The following HHAT variants were observed in gnomAD, a reference collection of about 807,000 sequenced individuals.
The protein encoded by HHAT is protein-cysteine N-palmitoyltransferase HHAT.
HHAT carries 47 observed loss-of-function variants against 70.8 expected under a neutral mutation model. The ratio of observed to expected loss-of-function variants is 0.66; its 90% confidence interval spans 0.53 to 0.85. HHAT has a LOEUF of 0.85. HHAT is among the 40% of genes least tolerant of loss of function. The pLI is 0.00. For missense variants in HHAT, 609 were observed against 604.8 expected (o/e 1.01, Z -0.07); for synonymous variants, 228 against 247.6 (o/e 0.92, Z 0.74).
At chr1:210,667,109 A>G (rs1010882521) in intron 11 of HHAT, among the ~76,000 whole-genome samples, 1 of 150,866 alleles carries the variant, frequency 6.6e-6, no homozygotes, top group Non-Finnish European at 1.5e-5. Context: ...TGGTCTGGGC[A>G]CTGTGGCTCA....
At chr1:210,509,216 G>T (rs777760171) in intron 8 of HHAT, among the ~76,000 whole-genome samples, 11 of 152,168 alleles carry the variant, frequency 7.2e-5, no homozygotes, top group Non-Finnish European at 1.6e-4. Context: ...TACAGATTTT[G>T]GAATATTTGC....
intron 1 of HHAT, among the ~76,000 whole-genome samples, chr1:210,337,680 T>C (rs1395893807): frequency 1.3e-5 from 2 of 152,150 alleles, no homozygotes; most frequent in African/African-American, 4.8e-5. Context: ...TAAGGAACCT[T>C]GTGATTACTT....
chr1:210,537,015 C>A (rs1477941520), intron 9 of HHAT, among the ~76,000 whole-genome samples: 1 of 151,200 alleles, frequency 6.6e-6, no homozygotes, highest in Non-Finnish European at 1.5e-5. Context: ...TTGAACTGTA[C>A]CTAAAAGAAG....
At chr1:210,382,152 G>A (rs2090687252) in intron 3 of HHAT, among the ~76,000 whole-genome samples, 1 of 152,230 alleles carries the variant, frequency 6.6e-6, no homozygotes, top group Non-Finnish European at 1.5e-5. Flanking sequence ...ACTCAGTGGT[G>A]AGTTGCTAGG....
chr1:210,455,289 T>C (rs539537964), intron 7 of HHAT, among the ~76,000 whole-genome samples: 8 of 152,336 alleles, frequency 5.3e-5, no homozygotes, highest in Admixed American at 2.0e-4. Flanking sequence ...TTAGTTAGCT[T>C]GAAACAACTC....
chr1:210,358,051 A>G (rs905275273), intron 2 of HHAT, among the ~76,000 whole-genome samples: 1 of 152,212 alleles, frequency 6.6e-6, no homozygotes, highest in Non-Finnish European at 1.5e-5. Context: ...TAAGACTTCT[A>G]ATAAGCCTCC....
At chr1:210,386,235 T>TTTC (rs2091047475) in intron 3 of HHAT, among the ~76,000 whole-genome samples, 1 of 92,010 alleles carries the variant, frequency 1.1e-5, no homozygotes, top group African/African-American at 4.5e-5. Context: ...TTTTTCTTTT[T>TTTC]TTTTTTTTTT....
chr1:210,480,013 G>C (rs992468727), intron 8 of HHAT, among the ~76,000 whole-genome samples: 4 of 152,104 alleles, frequency 2.6e-5, no homozygotes, highest in African/African-American at 9.7e-5. Flanking sequence ...CTACCTGCTG[G>C]GGTGAAGGTG....
At chr1:210,396,439 C>A (rs976888366) in intron 4 of HHAT, among the ~76,000 whole-genome samples, 1 of 152,140 alleles carries the variant, frequency 6.6e-6, no homozygotes, top group Non-Finnish European at 1.5e-5. Flanking sequence ...AGTAACAGCA[C>A]CAAATGCTGG....
chr1:210,598,776 A>C (rs1389318505), intron 10 of HHAT, among the ~76,000 whole-genome samples: 2 of 152,234 alleles, frequency 1.3e-5, no homozygotes, highest in African/African-American at 4.8e-5. Flanking sequence ...ACAAAGTTAA[A>C]ACCAGGTACT....
At chr1:210,626,793 T>A (rs1573841039) in intron 11 of HHAT, among the ~76,000 whole-genome samples, 1 of 152,078 alleles carries the variant, frequency 6.6e-6, no homozygotes, top group African/African-American at 2.4e-5. Flanking sequence ...CTGCTGGGGG[T>A]GTTCATATAT....
At chr1:210,424,911 C>A (rs1408018750) in intron 7 of HHAT, among the ~76,000 whole-genome samples, 3 of 152,112 alleles carry the variant, frequency 2.0e-5, no homozygotes, top group Non-Finnish European at 4.4e-5. Context: ...TTAGGTCTTT[C>A]AGGAATTGCC....
At chr1:210,468,965 AG>A (rs1189084074) in intron 8 of HHAT, among the ~76,000 whole-genome samples, 1 of 152,114 alleles carries the variant, frequency 6.6e-6, no homozygotes, top group African/African-American at 2.4e-5. Flanking sequence ...TTAATCTCTG[AG>A]GAGAATACTA....
At chr1:210,422,275 G>A (rs1382289293) in intron 7 of HHAT, among the ~76,000 whole-genome samples, 1 of 152,132 alleles carries the variant, frequency 6.6e-6, no homozygotes, top group Non-Finnish European at 1.5e-5. Context: ...TTTGTGTTGG[G>A]AACATTCAGT....
intron 10 of HHAT, among the ~76,000 whole-genome samples, chr1:210,598,426 C>T (rs149776652): frequency 1.3e-5 from 2 of 152,180 alleles, no homozygotes; most frequent in East Asian, 3.9e-4. Context: ...GTCCTTGTTG[C>T]CTGGACTGCC....
intron 10 of HHAT, among the ~76,000 whole-genome samples, chr1:210,617,390 A>C (rs1011703034): frequency 6.6e-6 from 1 of 152,232 alleles, no homozygotes; most frequent in Non-Finnish European, 1.5e-5. Flanking sequence ...TGCTTGATGA[A>C]GTAGAGAGAG....
At chr1:210,340,243 A>G (rs59011254) in intron 1 of HHAT, among the ~76,000 whole-genome samples, 677 of 19,984 alleles carry the variant, frequency 0.034, 42 homozygotes, top group African/African-American at 0.079. Flanking sequence ...TCTGTCTCAG[A>G]AAAAAAAAAA....
chr1:210,374,763 C>CTT (rs34145775), intron 3 of HHAT, among the ~76,000 whole-genome samples: 1 of 140,420 alleles, frequency 7.1e-6, no homozygotes. Flanking sequence ...AGTGGGGAAT[C>CTT]TTTTTTTTTT....
chr1:210,658,520 C>A (rs1240396418), intron 11 of HHAT, among the ~76,000 whole-genome samples: 2 of 152,160 alleles, frequency 1.3e-5, no homozygotes, highest in African/African-American at 4.8e-5. Flanking sequence ...TCCTGGATAT[C>A]CTTGTTAACC....
Sources: gnomAD v4.1 joint callset for allele counts (sites outside exome capture counted in the v4.1 genomes callset) on GRCh38, gnomAD v4.1.1 for gene constraint, MANE v1.5 for transcripts, NCBI Gene and HGNC (gene_info 2026-07-23, HGNC 2026-07-21) for gene names.